PTPRA: variants seen among roughly 807,000 people sequenced by gnomAD.
The protein encoded by PTPRA is receptor-type tyrosine-protein phosphatase alpha.
PTPRA carries 25 observed loss-of-function variants against 104.8 expected under a neutral mutation model. That is an observed-to-expected ratio of 0.24 (90% CI 0.17 to 0.33). The LOEUF (loss-of-function observed/expected upper bound fraction) is 0.33. Among genes scored for constraint, PTPRA ranks in the 10% least tolerant of loss-of-function variants. The pLI is 1.00. For synonymous variants in PTPRA, 323 were observed against 368.9 expected (o/e 0.88, Z 1.43); for missense variants, 765 against 1,015.3 (o/e 0.75, Z 3.35).
At chr20:2,956,626 C>G (rs2061544729) in intron 3 of PTPRA, among the ~76,000 whole-genome samples, 1 of 151,408 alleles carries the variant, frequency 6.6e-6, no homozygotes, top group African/African-American at 2.4e-5. Flanking sequence ...GCACTCCAAC[C>G]AGAGTGAGAG....
At chr20:3,029,518 A>G (rs1466898444) in intron 20 of PTPRA, among the ~76,000 whole-genome samples, 4 of 128,060 alleles carry the variant, frequency 3.1e-5, no homozygotes, top group Non-Finnish European at 6.4e-5. Context: ...ATCAACAGAC[A>G]TACTTTGTAG....
At position 3,019,874 on chromosome 20, in the gene PTPRA, C is replaced by G. The variant is rs370652998; in HGVS notation, c.1042-1435C>G. On this transcript the variant is annotated intron_variant, in intron 13 of 23. Coordinates refer to ENST00000399903, the MANE Select transcript of PTPRA (RefSeq NM_001385305.1). ...ATCACTTGCGGTTAGGAGCTGGAGA[C>G]CAGCCCGGCCAACACAGCGAAACCC... Among the ~76,000 whole-genome samples, 1,222 of 151,232 alleles carry G rather than the reference C, an allele frequency of 8.1e-3. 13 individuals carry two copies. The highest frequency in any genetic ancestry group is 0.025 in the African/African-American group (1,052 of 41,428).
intron 13 of PTPRA, among the ~76,000 whole-genome samples, chr20:3,019,934 C>G (rs1432037677): frequency 1.3e-5 from 2 of 151,700 alleles, no homozygotes; most frequent in Non-Finnish European, 2.9e-5. Context: ...ACCAGTCAGG[C>G]GTGGCGGCGC....
At position 3,035,482 on chromosome 20, in the gene PTPRA, G is replaced by A. The variant is rs559338885; in HGVS notation, c.1921-103G>A. Reference sequence around the variant, plus strand: ...TACCTTGGGGACGAAGCGTATCAGCGTAAGAGGTGGCTGTACTGAGAGGGG... The same window carrying A: ...TACCTTGGGGACGAAGCGTATCAGCATAAGAGGTGGCTGTACTGAGAGGGG... On this transcript the variant is annotated intron_variant, in intron 20 of 23. Coordinates refer to ENST00000399903, the MANE Select transcript of PTPRA (RefSeq NM_001385305.1). The surrounding 1 kb of genome is among the most constrained non-coding windows in gnomAD (Gnocchi z 5.8). 31 of 1,348,258 alleles carry A rather than the reference G, an allele frequency of 2.3e-5. 1 individual carries two copies. Among genetic ancestry groups the A allele is most frequent in the African/African-American group, 5.8e-5 (4 of 68,684 alleles). 83.5% of individuals were successfully genotyped at this position (1,348,258 alleles called of 1,614,324 possible). A position where few individuals can be genotyped will look rare whatever the true frequency, so the allele number is the denominator to read the frequency against.
intron 16 of PTPRA, among the ~76,000 whole-genome samples, chr20:3,023,375 G>C (rs512866): frequency 0.64 from 97,061 of 152,032 alleles, 33,102 homozygotes; most frequent in East Asian, 0.89. Context: ...GGCTTCTTTG[G>C]AGTTAAGATA....
intron 9 of PTPRA, among the ~76,000 whole-genome samples, chr20:2,990,143 G>A (rs1218381635): frequency 2.0e-5 from 3 of 152,220 alleles, no homozygotes; most frequent in Non-Finnish European, 4.4e-5. Context: ...TTGACCTAAT[G>A]TCATGACTAG....
chr20:2,905,550 T>C (rs943767377), intron 1 of PTPRA, among the ~76,000 whole-genome samples: 6 of 152,136 alleles, frequency 3.9e-5, no homozygotes, highest in African/African-American at 1.4e-4. Flanking sequence ...CAAAAAGTAG[T>C]TGTTTTTAGG....
chr20:2,881,001 CTG>C (rs1445470995), intron 1 of PTPRA, among the ~76,000 whole-genome samples: 1 of 151,192 alleles, frequency 6.6e-6, no homozygotes, highest in Non-Finnish European at 1.5e-5. Context: ...GAGGGAGACT[CTG>C]TGTCTCAAAA....
At chr20:2,959,950 T>TA (rs978986377) in intron 3 of PTPRA, among the ~76,000 whole-genome samples, 4 of 151,724 alleles carry the variant, frequency 2.6e-5, no homozygotes, top group African/African-American at 4.9e-5. Context: ...GACTCCGTCC[T>TA]AAAAAAAGAA....
At chr20:3,005,404 G>C (rs1332460340) in intron 10 of PTPRA, among the ~76,000 whole-genome samples, 1 of 152,030 alleles carries the variant, frequency 6.6e-6, no homozygotes, top group Non-Finnish European at 1.5e-5. Flanking sequence ...TAAAAAATTA[G>C]CCAGGCATGG....
intron 2 of PTPRA, among the ~76,000 whole-genome samples, chr20:2,941,896 T>C (rs1451267580): frequency 6.6e-6 from 1 of 152,144 alleles, no homozygotes; most frequent in Non-Finnish European, 1.5e-5. Flanking sequence ...GGTCAAATTT[T>C]CTTCTTCTAT....
chr20:2,916,612 G>A (rs575813498), intron 1 of PTPRA, among the ~76,000 whole-genome samples: 1 of 152,338 alleles, frequency 6.6e-6, no homozygotes, highest in African/African-American at 2.4e-5. Context: ...GGGTGAGGCA[G>A]AAAGATGGCT....
intron 1 of PTPRA, among the ~76,000 whole-genome samples, chr20:2,914,636 A>C (rs752962451): frequency 3.3e-5 from 5 of 152,076 alleles, no homozygotes; most frequent in African/African-American, 4.8e-5. Flanking sequence ...ATCCCCTTGA[A>C]TGTGCCCAGT....
At chr20:2,868,331 G>A in the PTPRA span, among the ~76,000 whole-genome samples, 1 of 21,560 alleles carries the variant, frequency 4.6e-5, no homozygotes, top group Non-Finnish European at 8.7e-5. Context: ...TTTTTTTTTT[G>A]CGTGGTAGAG....
chr20:2,932,933 A>G (rs1293684620), intron 2 of PTPRA, among the ~76,000 whole-genome samples: 1 of 152,170 alleles, frequency 6.6e-6, no homozygotes, highest in East Asian at 1.9e-4. Flanking sequence ...GATGCCTACT[A>G]CCTGTTGGTT....
chr20:2,953,143 T>C (rs558664386), intron 3 of PTPRA, among the ~76,000 whole-genome samples: 1 of 152,324 alleles, frequency 6.6e-6, no homozygotes, highest in Admixed American at 6.5e-5. Flanking sequence ...ATTTCTATAG[T>C]AGTGGTACCA....
chr20:2,874,383 C>T (rs1322963900), intron 1 of PTPRA, among the ~76,000 whole-genome samples: 1 of 149,432 alleles, frequency 6.7e-6, no homozygotes, highest in Non-Finnish European at 1.5e-5. Context: ...AATTATATCT[C>T]CTGAAGATTA....
chr20:2,865,121 A>G, the PTPRA span: 17 of 1,613,964 alleles, frequency 1.1e-5, no homozygotes, highest in Non-Finnish European at 1.4e-5. The surrounding 1 kb of genome is among the most constrained non-coding windows in gnomAD (Gnocchi z 5.2). Flanking sequence ...CCTCATCCCC[A>G]TCATGCCTCA....
Position 2,950,025 on chromosome 20 carries a change from G to A in PTPRA, c.-7+2001G>A, listed in dbSNP as rs192367259. Among the ~76,000 whole-genome samples, 2 of 152,254 alleles carry A rather than the reference G, an allele frequency of 1.3e-5. No homozygotes were observed. Among genetic ancestry groups the A allele is most frequent in the South Asian group, 2.1e-4 (1 of 4,820 alleles). ...TATATTATTGTGTAAAAGTGAGCCT[G>A]TGATTTTCTTTCTTGTAATGTTTCT... On this transcript the variant is annotated intron_variant, in intron 3 of 23. Coordinates refer to ENST00000399903, the MANE Select transcript of PTPRA (RefSeq NM_001385305.1). This position sits in a 1 kb window ranked among gnomAD's most constrained non-coding sequence, Gnocchi z 4.0.
Sources: gnomAD v4.1 joint callset for allele counts (sites outside exome capture counted in the v4.1 genomes callset) on GRCh38, gnomAD v4.1.1 for gene constraint, Gnocchi (gnomAD v3.1) non-coding constraint, MANE v1.5 for transcripts, NCBI Gene and HGNC (gene_info 2026-07-23, HGNC 2026-07-21) for gene names.